Variants in RBFOX3 observed in about 807,000 individuals in gnomAD.
RBFOX3 encodes the protein RNA binding protein fox-1 homolog 3.
In RBFOX3, 17 loss-of-function variants were observed where a neutral mutation model predicts 48.7. That is an observed-to-expected ratio of 0.35 (90% CI 0.24 to 0.52). RBFOX3 has a LOEUF of 0.52. RBFOX3 is among the 20% of genes least tolerant of loss of function. The pLI is 0.94. For missense variants in RBFOX3, 382 were observed against 497.5 expected, an observed-to-expected ratio of 0.77 and a Z score of 2.21; for synonymous variants, 212 against 209.5, an observed-to-expected ratio of 1.01 and a Z score of -0.10.
At chr17:79,494,266 G>A (rs2081120809) in intron 1 of RBFOX3, among the ~76,000 whole-genome samples, 1 of 152,216 alleles carries the variant, frequency 6.6e-6, no homozygotes. Context: ...CAGAGTCTTG[G>A]TGGGGAAGCT....
In RBFOX3 at chr17:79,477,046, A is replaced by G. The variant is rs1438793281; in HGVS notation, c.-175+5408T>C. 6.6e-6 allele frequency among the ~76,000 whole-genome samples: 1 copy of G among 151,834 alleles called. No homozygotes were observed. Among genetic ancestry groups the G allele is most frequent in the Non-Finnish European group, 1.5e-5 (1 of 67,968 alleles). On this transcript the variant is annotated intron_variant, in intron 2 of 14. Coordinates refer to ENST00000693108, the MANE Select transcript of RBFOX3 (RefSeq NM_001350451.2). The surrounding 1 kb of genome is among the most constrained non-coding windows in gnomAD (Gnocchi z 4.8). ...TCAGGAGTTCGAGACCAGCCTGGCC[A>G]ACAGGGTGAAACCCCGTCTCTACTA...
intron 3 of RBFOX3, among the ~76,000 whole-genome samples, chr17:79,278,542 G>A (rs59896054): frequency 0.067 from 2,463 of 36,798 alleles, 80 homozygotes; most frequent in African/African-American, 0.21. Context: ...GGGAACCAGG[G>A]AGCATGCAGA....
chr17:79,341,840 G>A (rs1352875654), intron 2 of RBFOX3, among the ~76,000 whole-genome samples: 1 of 152,258 alleles, frequency 6.6e-6, no homozygotes, highest in Admixed American at 6.5e-5. Flanking sequence ...CCAGGGCTAA[G>A]GGAAAAACAA....
chr17:79,120,174 G>T (rs1051583868), intron 4 of RBFOX3, among the ~76,000 whole-genome samples: 3 of 152,176 alleles, frequency 2.0e-5, no homozygotes, highest in African/African-American at 7.2e-5. Flanking sequence ...TTCCCCAGGG[G>T]ACTGTACATT....
At chr17:79,410,887 C>G (rs929964528) in intron 2 of RBFOX3, among the ~76,000 whole-genome samples, 3 of 152,180 alleles carry the variant, frequency 2.0e-5, no homozygotes, top group Non-Finnish European at 4.4e-5. Context: ...ACCTGTGGCA[C>G]CAGCAGGTGC....
At chr17:79,648,713 G>A in the RBFOX3 span, among the ~76,000 whole-genome samples, 9 of 152,152 alleles carry the variant, frequency 5.9e-5, no homozygotes, top group Non-Finnish European at 1.3e-4. Context: ...ACATAACTCC[G>A]GCAGGGGCTG....
the RBFOX3 span, among the ~76,000 whole-genome samples, chr17:79,639,183 AT>A: frequency 1.1e-4 from 16 of 150,718 alleles, no homozygotes; most frequent in East Asian, 1.4e-3. Flanking sequence ...TTTATTGTTT[AT>A]TTTTTTTTGA....
At position 79,512,490 on chromosome 17, in the gene RBFOX3, G is replaced by A. The variant is rs539978378; in HGVS notation, c.-319-29892C>T. Among the ~76,000 whole-genome samples the A allele has an allele frequency of 2.5e-3, 361 of 144,388 alleles. 1 individual carries two copies. Among genetic ancestry groups the A allele is most frequent in the African/African-American group, 9.0e-3 (342 of 38,128 alleles). The allele number at this position is 144,388 out of a possible 152,430, so 94.7% of individuals were successfully genotyped here. On this transcript the variant is annotated intron_variant, in intron 1 of 14. Transcript: ENST00000693108. The stretch of plus-strand genomic sequence containing the variant: ...ATACACCCGGATACATATTACCATC[G>A]AGTACAGCCCCATGGCCAGGGGACA...
At chr17:79,285,417 C>T (rs115879723) in intron 3 of RBFOX3, among the ~76,000 whole-genome samples, 4,632 of 152,286 alleles carry the variant, frequency 0.03, 114 homozygotes, top group East Asian at 0.069. Flanking sequence ...TGCTCATTTA[C>T]GTGATACACC....
Position 79,414,451 on chromosome 17 carries a change from G to A in RBFOX3, c.-175+68003C>T, listed in dbSNP as rs140464995. 1.3e-4 allele frequency among the ~76,000 whole-genome samples: 20 copies of A among 152,276 alleles called. No individual in the cohort carries two copies. The East Asian group carries it at 1.5e-3, about 12-fold the overall frequency. On this transcript the variant is annotated intron_variant, in intron 2 of 14. Transcript: ENST00000693108. ...CAACTTCCCCACAAAGCCCCTCAGC[G>A]TGTATTTCCATATGCAAATGCGGCG...
At chr17:79,539,296 G>A (rs1196475593) in intron 1 of RBFOX3, among the ~76,000 whole-genome samples, 3 of 152,190 alleles carry the variant, frequency 2.0e-5, no homozygotes, top group Non-Finnish European at 2.9e-5. Context: ...CGGCTGCAGT[G>A]AGCCATGATC....
intron 4 of RBFOX3, among the ~76,000 whole-genome samples, chr17:79,133,315 C>A (rs2039419898): frequency 6.6e-6 from 1 of 152,218 alleles, no homozygotes; most frequent in Non-Finnish European, 1.5e-5. Context: ...CAGCTCCTAG[C>A]AGAGCTTCAC....
At chr17:79,544,556 C>T (rs1056092895) in intron 1 of RBFOX3, among the ~76,000 whole-genome samples, 7 of 152,008 alleles carry the variant, frequency 4.6e-5, no homozygotes, top group East Asian at 1.9e-4. Flanking sequence ...CTCCTCCCGT[C>T]GGAGTACCCC....
At chr17:79,548,399 G>T (rs1050847044) in intron 1 of RBFOX3, among the ~76,000 whole-genome samples, 1 of 152,218 alleles carries the variant, frequency 6.6e-6, no homozygotes, top group Non-Finnish European at 1.5e-5. Context: ...CCAAGTCAGC[G>T]TCCTGCCTGT....
chr17:79,616,933 G>A, the RBFOX3 span, among the ~76,000 whole-genome samples: 4 of 152,148 alleles, frequency 2.6e-5, no homozygotes, highest in East Asian at 3.9e-4. Flanking sequence ...AAATGAAGAC[G>A]TCACAGGGCC....
intron 1 of RBFOX3, among the ~76,000 whole-genome samples, chr17:79,555,618 G>A (rs2091655213): frequency 6.6e-6 from 1 of 152,136 alleles, no homozygotes; most frequent in Non-Finnish European, 1.5e-5. Context: ...TGGCGGTGGT[G>A]GTGGTAATGG....
intron 1 of RBFOX3, among the ~76,000 whole-genome samples, chr17:79,542,594 G>A (rs548791376): frequency 2.6e-5 from 4 of 152,306 alleles, no homozygotes; most frequent in South Asian, 4.1e-4. Context: ...GATCAGCCTG[G>A]CCAACATGGC....
chr17:79,226,796 C>T (rs1404541453), intron 4 of RBFOX3, among the ~76,000 whole-genome samples: 2 of 152,210 alleles, frequency 1.3e-5, no homozygotes, highest in African/African-American at 4.8e-5. Context: ...AAAAATATCA[C>T]ATTAATCAAG....
At chr17:79,587,749 A>T (rs2093298453) in intron 1 of RBFOX3, among the ~76,000 whole-genome samples, 1 of 152,216 alleles carries the variant, frequency 6.6e-6, no homozygotes, top group South Asian at 2.1e-4. Flanking sequence ...TCGAGGTCCC[A>T]CTTGGAGGCA....
Sources: allele counts gnomAD v4.1 joint callset (sites outside exome capture counted in the v4.1 genomes callset), GRCh38; gene constraint gnomAD v4.1.1; non-coding constraint Gnocchi (gnomAD v3.1); transcripts MANE v1.5; gene names NCBI Gene and HGNC (gene_info 2026-07-23, HGNC 2026-07-21).